The following NAALADL2 variants were observed in gnomAD, a reference collection of about 807,000 sequenced individuals.
NAALADL2 encodes the protein N-acetylated alpha-linked acidic dipeptidase like 2.
NAALADL2 carries 76 observed loss-of-function variants against 87.2 expected under a neutral mutation model. The observed-to-expected ratio is 0.87, with a 90% CI of 0.72 to 1.05. NAALADL2 has a LOEUF of 1.05. NAALADL2 is among the 50% of genes least tolerant of loss of function. NAALADL2 has a pLI of 0.00. For missense variants in NAALADL2, 1,089 were observed against 945.8 expected (o/e 1.15, Z -1.99); for synonymous variants, 354 against 331.0 (o/e 1.07, Z -0.75).
rs139228839 is a variant in NAALADL2 at position 175,211,285 on chromosome 3, C to A, written c.546-22646C>A. Among the ~76,000 whole-genome samples, 323 of 151,948 alleles carry A rather than the reference C, an allele frequency of 2.1e-3. 2 individuals carry two copies. The highest frequency in any genetic ancestry group is 5.6e-3 in the Admixed American group (86 of 15,230). ...CGTTTTATGCACATGCTCAAAAATT[C>A]TCTTGGGGAACAGGAACTTGAATAG... On this transcript the variant is annotated intron_variant, in intron 2 of 13. Transcript: ENST00000454872.
intron 11 of NAALADL2, among the ~76,000 whole-genome samples, chr3:175,693,599 T>A (rs1263882475): frequency 6.6e-6 from 1 of 152,048 alleles, no homozygotes; most frequent in Non-Finnish European, 1.5e-5. Context: ...TTGTCAGACT[T>A]GACTCTTATC....
At chr3:175,067,999 A>G (rs1714861707) in intron 1 of NAALADL2, among the ~76,000 whole-genome samples, 1 of 152,136 alleles carries the variant, frequency 6.6e-6, no homozygotes, top group African/African-American at 2.4e-5. Flanking sequence ...AGAAAACCAT[A>G]TACCACATGT....
intron 1 of NAALADL2, among the ~76,000 whole-genome samples, chr3:174,863,579 A>G (rs925412553): frequency 1.3e-5 from 2 of 148,426 alleles, no homozygotes; most frequent in South Asian, 4.2e-4. Flanking sequence ...TAAGTAAAAG[A>G]AAAAAAAAAC....
intron 3 of NAALADL2, among the ~76,000 whole-genome samples, chr3:174,813,905 T>C (rs1028298506): frequency 3.9e-5 from 6 of 152,096 alleles, no homozygotes; most frequent in African/African-American, 1.4e-4. Flanking sequence ...AGTATAGCTC[T>C]TTAACAGATA....
intron 3 of NAALADL2, among the ~76,000 whole-genome samples, chr3:174,825,976 G>A (rs1361234969): frequency 1.3e-5 from 2 of 151,970 alleles, no homozygotes; most frequent in Non-Finnish European, 2.9e-5. Context: ...GCAGTGAGCC[G>A]AGATGGCGCC....
intron 1 of NAALADL2, among the ~76,000 whole-genome samples, chr3:174,522,590 G>A (rs1198433590): frequency 6.6e-6 from 1 of 152,074 alleles, no homozygotes; most frequent in Admixed American, 6.6e-5. Flanking sequence ...AGTGAGCCAT[G>A]ATCACACCAT....
chr3:175,201,781 G>A (rs973538612), intron 2 of NAALADL2, among the ~76,000 whole-genome samples: 1 of 145,892 alleles, frequency 6.9e-6, no homozygotes, highest in African/African-American at 2.5e-5. Flanking sequence ...TTCAATTGAG[G>A]GTACTTATTT....
chr3:175,599,609 C>T (rs1722686193), intron 10 of NAALADL2, among the ~76,000 whole-genome samples: 1 of 152,074 alleles, frequency 6.6e-6, no homozygotes. Context: ...TGTTAACATT[C>T]AGGCTTCTTC....
chr3:175,245,359 A>G (rs1747774568), intron 3 of NAALADL2, among the ~76,000 whole-genome samples: 1 of 152,184 alleles, frequency 6.6e-6, no homozygotes, highest in Non-Finnish European at 1.5e-5. Context: ...AACTTGCATT[A>G]TTTTGTCTGT....
At chr3:174,712,607 C>T (rs1054103387) in intron 2 of NAALADL2, among the ~76,000 whole-genome samples, 8 of 151,604 alleles carry the variant, frequency 5.3e-5, no homozygotes, top group African/African-American at 1.7e-4. Flanking sequence ...AGGATGGTCT[C>T]GATCTCCTGA....
intron 2 of NAALADL2, among the ~76,000 whole-genome samples, chr3:175,169,534 T>G (rs1243564864): frequency 6.6e-6 from 1 of 151,646 alleles, no homozygotes; most frequent in Admixed American, 6.6e-5. Context: ...CTAATTATTT[T>G]GTAAGACTGA....
intron 2 of NAALADL2, among the ~76,000 whole-genome samples, chr3:175,205,475 T>C (rs139189035): frequency 6.6e-5 from 10 of 152,226 alleles, no homozygotes; most frequent in Admixed American, 2.6e-4. Context: ...AAATCTAAGA[T>C]GTGAAGCTAT....
At chr3:175,073,652 T>A (rs1716055512) in intron 1 of NAALADL2, among the ~76,000 whole-genome samples, 1 of 152,122 alleles carries the variant, frequency 6.6e-6, no homozygotes, top group African/African-American at 2.4e-5. Flanking sequence ...GTATTTCAAG[T>A]CTGTTCTACA....
chr3:175,111,824 C>T (rs770678881), intron 2 of NAALADL2, among the ~76,000 whole-genome samples: 41 of 151,526 alleles, frequency 2.7e-4, no homozygotes, highest in Non-Finnish European at 5.2e-4. Context: ...TATTTTGGTA[C>T]GGGCATTTCA....
intron 1 of NAALADL2, among the ~76,000 whole-genome samples, chr3:174,944,706 C>T (rs547728873): frequency 1.1e-4 from 16 of 152,300 alleles, no homozygotes; most frequent in African/African-American, 3.6e-4. Flanking sequence ...TGCCAAGACT[C>T]CACATAGCTC....
At chr3:175,326,703 A>G (rs1473316141) in intron 5 of NAALADL2, among the ~76,000 whole-genome samples, 4 of 152,212 alleles carry the variant, frequency 2.6e-5, no homozygotes, top group Non-Finnish European at 5.9e-5. Context: ...CAGTGGTGGA[A>G]GGCATAATGG....
chr3:174,704,518 G>T (rs1005961855), intron 2 of NAALADL2, among the ~76,000 whole-genome samples: 5 of 151,802 alleles, frequency 3.3e-5, no homozygotes, highest in African/African-American at 1.2e-4. Context: ...AAATAAATTT[G>T]TTCATAATAC....
intron 5 of NAALADL2, among the ~76,000 whole-genome samples, chr3:175,398,312 A>G (rs1366798601): frequency 6.7e-6 from 1 of 148,708 alleles, no homozygotes; most frequent in Non-Finnish European, 1.5e-5. Flanking sequence ...CATCCAGGAA[A>G]CTTTCATTCT....
chr3:175,273,084 G>C (rs998687751), intron 4 of NAALADL2, among the ~76,000 whole-genome samples: 4 of 151,858 alleles, frequency 2.6e-5, no homozygotes, highest in African/African-American at 9.7e-5. Context: ...TGTAATTTTA[G>C]AGTCCTATTT....
Sources: gnomAD v4.1 joint callset for allele counts (sites outside exome capture counted in the v4.1 genomes callset) on GRCh38, gnomAD v4.1.1 for gene constraint, MANE v1.5 for transcripts, NCBI Gene and HGNC (gene_info 2026-07-23, HGNC 2026-07-21) for gene names.